Variants in PARP2 observed in about 807,000 individuals in gnomAD.
PARP2 encodes poly [ADP-ribose] polymerase 2.
A neutral mutation model predicts 77.8 loss-of-function variants in PARP2; 57 were observed. That is an observed-to-expected ratio of 0.73 (90% CI 0.59 to 0.91). The LOEUF (loss-of-function observed/expected upper bound fraction) is 0.91. PARP2 is among the 40% of genes least tolerant of loss of function. The pLI is 0.00. For missense variants in PARP2, 651 were observed against 689.0 expected, an observed-to-expected ratio of 0.94 and a Z score of 0.62; for synonymous variants, 226 against 242.6, an observed-to-expected ratio of 0.93 and a Z score of 0.64.
chr14:20,345,794 A>C (rs1883696227), intron 3 of PARP2, among the ~76,000 whole-genome samples: 1 of 152,110 alleles, frequency 6.6e-6, no homozygotes, highest in African/African-American at 2.4e-5. Flanking sequence ...GGAAACTTTT[A>C]CTCATGGCAG....
intron 5 of PARP2, 34 bp from the exon 6 acceptor site, chr14:20,351,013 G>C (rs1189387781): frequency 1.9e-6 from 3 of 1,559,200 alleles, no homozygotes; most frequent in East Asian, 2.2e-5. Flanking sequence ...GTTACTCTTA[G>C]GGAACTATCT....
Position 20,355,882 on chromosome 14 carries a change from A to C in PARP2, c.967-15A>C. 1 of 1,614,088 alleles carries C rather than the reference A, an allele frequency of 6.2e-7. No homozygotes were observed. The highest frequency in any genetic ancestry group is 8.5e-7 in the Non-Finnish European group (1 of 1,179,960). On this transcript the variant is annotated splice_polypyrimidine_tract_variant and intron_variant, in intron 10 of 15. Transcript: ENST00000429687. The stretch of plus-strand genomic sequence containing the variant: ...CAGTGTCCTCCCACATTGATTCTAT[A>C]TCTCATCTTCTCAGGCTTTGGGAGA...
At chr14:20,351,737 G>A (rs1248085624) in intron 6 of PARP2, among the ~76,000 whole-genome samples, 1 of 99,654 alleles carries the variant, frequency 1.0e-5, no homozygotes, top group Non-Finnish European at 1.9e-5. Context: ...TCAACTAGGG[G>A]CTGAGCACGG....
At chr14:20,352,444 C>A in intron 7 of PARP2, 97 bp downstream of exon 7, 1 of 680,886 alleles carries the variant, frequency 1.5e-6, no homozygotes, top group Non-Finnish European at 2.5e-6. Context: ...CTGGGTGGCA[C>A]AATCATGGCT....
chr14:20,356,979 G>T (rs1369808092), intron 13 of PARP2, 72 bp from the exon 14 acceptor site: 1 of 938,570 alleles, frequency 1.1e-6, no homozygotes, highest in Non-Finnish European at 1.8e-6. Context: ...GAAAAACAGG[G>T]TCAGTGGTAT....
Position 20,343,641 on chromosome 14 carries a change from C to T in PARP2, c.-1C>T, listed in dbSNP as rs1434515859. The T allele has an allele frequency of 6.2e-7, 1 of 1,610,016 alleles. No individual in the cohort carries two copies. The stretch of plus-strand genomic sequence containing the variant: ...GTTGATGACGTCAGCGTTCGAATTC[C>T]ATGGCGGCGCGGCGGCGACGGAGCA... On this transcript the variant is annotated 5_prime_UTR_variant, in exon 1 of 16. Coordinates refer to ENST00000429687, the MANE Select transcript of PARP2 (RefSeq NM_001042618.2).
In PARP2 at chr14:20,355,809, A is replaced by G; in HGVS notation, c.960A>G (p.Leu320=). Residue 320 remains leucine, a synonymous_variant, in exon 10 of 16, where the codon TTA becomes TTG. Transcript: ENST00000429687. ...AGGAACTGTCAGAAAAAATACAATT[A>G]CTAGAGGTGAGATATGTATGATTTG... is the stretch of plus-strand genomic sequence containing the variant. ...TQKELSEKIQ[L]LEALGDIEIA... The G allele has an allele frequency of 1.9e-6, 3 of 1,613,524 alleles. No homozygotes were observed. The highest frequency in any genetic ancestry group is 2.5e-6 in the Non-Finnish European group (3 of 1,179,422).
Position 20,344,982 on chromosome 14 carries a change from T to A in PARP2, c.97T>A (p.Ser33Thr). 6.2e-7 allele frequency: 1 copy of A among 1,614,084 alleles called. No individual in the cohort carries two copies. Among genetic ancestry groups the A allele is most frequent in the Non-Finnish European group, 8.5e-7 (1 of 1,179,974 alleles). Residue 33 changes from serine (S) to threonine (T), a missense_variant, in exon 2 of 16, where the codon TCT becomes ACT. Coordinates refer to ENST00000429687, the MANE Select transcript of PARP2 (RefSeq NM_001042618.2). ...TAATGGCAACACGGCTCCAGAAGAC[T>A]CTTCCCCTGCCAAGAAAACTCGTAG... ...VNNGNTAPED[S>T]SPAKKTRRCQ...
At chr14:20,347,398 ATTTTTTTTTTTTTTTTTTT>A (rs58569972) in intron 4 of PARP2, among the ~76,000 whole-genome samples, 1 of 6,884 alleles carries the variant, frequency 1.5e-4, no homozygotes, top group Non-Finnish European at 2.3e-4. Context: ...ATATATATAT[ATTTTTTTTTTTTTTTTTTT>A]TTTTTTTTTT....
At chr14:20,353,941 T>C in intron 7 of PARP2, 144 bp from the exon 8 acceptor site, 1 of 627,550 alleles carries the variant, frequency 1.6e-6, no homozygotes, top group Admixed American at 3.0e-5. Context: ...CTGTACAGCC[T>C]TTTTTTCCTT....
Position 20,356,355 on chromosome 14 carries a change from T to G in PARP2, c.1150T>G (p.Tyr384Asp). Residue 384 changes from tyrosine (Y) to aspartate (D), a missense_variant, in exon 12 of 16, where the codon TAT becomes GAT. By Grantham distance (160) the Tyr-to-Asp change is radical. Coordinates refer to ENST00000429687, the MANE Select transcript of PARP2 (RefSeq NM_001042618.2). ...TACCCATGCTCCCACACACAGCGACTATACCATGACCTTGCTGGATTTGTT... is the reference window on the plus strand; with the variant it reads ...TACCCATGCTCCCACACACAGCGACGATACCATGACCTTGCTGGATTTGTT... ...QSTHAPTHSD[Y>D]TMTLLDLFEV... is the part of the protein sequence containing the mutation. The G allele has an allele frequency of 6.2e-7, 1 of 1,614,126 alleles. No individual in the cohort carries two copies. The highest frequency in any genetic ancestry group is 1.3e-5 in the African/African-American group (1 of 75,068).
chr14:20,351,109 A>G lies in PARP2; in HGVS notation c.484A>G (p.Ile162Val), dbSNP rs148563917. ...CSGNLNKAKEIFQKKFLDKTK... is the reference protein window; with the variant it reads ...CSGNLNKAKEVFQKKFLDKTK... ...AGGCAATCTCAACAAGGCCAAGGAA[A>G]TCTTTCAGAAGAAGTGAGTGCTGAA... is the stretch of plus-strand genomic sequence containing the variant. Residue 162 changes from isoleucine to valine, a missense_variant, in exon 6 of 16, where the codon ATC becomes GTC. Transcript: ENST00000429687. 2.6e-4 allele frequency: 424 copies of G among 1,613,724 alleles called. 3 individuals carry two copies. The East Asian group carries it at 9.3e-3, about 35-fold the overall frequency.
chr14:20,350,936 C>T, intron 5 of PARP2, 111 bp from the exon 6 acceptor site: 1 of 804,158 alleles, frequency 1.2e-6, no homozygotes, highest in Non-Finnish European at 2.1e-6. Flanking sequence ...AATCCTTTCA[C>T]CTTTCCCTTC....
chr14:20,344,892 G>A (rs376217558), intron 1 of PARP2, 40 bp from the exon 2 acceptor site: 10 of 1,160,222 alleles, frequency 8.6e-6, no homozygotes, highest in Admixed American at 3.8e-5. Context: ...ACACGTATTC[G>A]GGTGTGTACT....
intron 11 of PARP2, 71 bp downstream of exon 11, chr14:20,356,102 A>C (rs936221679): frequency 6.5e-7 from 1 of 1,544,948 alleles, no homozygotes; most frequent in East Asian, 2.2e-5. Flanking sequence ...CTGTTCTCTA[A>C]CTACTTCTTG....
chr14:20,350,261 C>T (rs544569743), intron 4 of PARP2, among the ~76,000 whole-genome samples: 20 of 152,144 alleles, frequency 1.3e-4, no homozygotes, highest in Non-Finnish European at 1.5e-4. Flanking sequence ...CTGGAGGAGC[C>T]ATTCAATGTA....
At position 20,357,430 on chromosome 14, in the gene PARP2, C is replaced by T. The variant is rs185139105; in HGVS notation, c.1463C>T (p.Ala488Val). 4 of 1,613,188 alleles carry T rather than the reference C, an allele frequency of 2.5e-6. No homozygotes were observed. In the Admixed American group the frequency reaches 6.7e-5, roughly 27 times the overall value. The change falls in exon 15 of 16, where the codon GCC becomes GTC. Residue 488 changes from alanine to valine, a missense_variant. Physicochemically the swap from Ala to Val is moderately conservative, Grantham distance 64. Transcript: ENST00000429687. ...ALGQCNELLE[A>V]NPKAEGLLQG... ...GGTCAGTGTAATGAACTACTAGAGGCCAATCCTAAGGCCGAAGGATTGCTT... is the reference window on the plus strand; with the variant it reads ...GGTCAGTGTAATGAACTACTAGAGGTCAATCCTAAGGCCGAAGGATTGCTT...
Position 20,353,485 on chromosome 14 carries a change from C to T in PARP2, c.601-600C>T, listed in dbSNP as rs148066504. 2.0e-3 allele frequency among the ~76,000 whole-genome samples: 305 copies of T among 151,270 alleles called. 2 individuals carry two copies. The highest frequency in any genetic ancestry group is 7.0e-3 in the African/African-American group (287 of 41,188). Reference sequence around the variant, plus strand: ...GTCTCGATCTCCTGACATCATGATCCGCCCGTCTTGGCCTCCCAAAGTGCT... The same window carrying T: ...GTCTCGATCTCCTGACATCATGATCTGCCCGTCTTGGCCTCCCAAAGTGCT... On this transcript the variant is annotated intron_variant, in intron 7 of 15. Coordinates refer to ENST00000429687, the MANE Select transcript of PARP2 (RefSeq NM_001042618.2).
At chr14:20,356,112 G>A in intron 11 of PARP2, 81 bp downstream of exon 11, 1 of 1,522,730 alleles carries the variant, frequency 6.6e-7, no homozygotes, top group Non-Finnish European at 8.9e-7. Context: ...ACTACTTCTT[G>A]TCAAGAGCAA....
Sources: allele counts gnomAD v4.1 joint callset (sites outside exome capture counted in the v4.1 genomes callset), GRCh38; gene constraint gnomAD v4.1.1; transcripts MANE v1.5; gene names NCBI Gene and HGNC (gene_info 2026-07-23, HGNC 2026-07-21).